The following RPS6KC1 variants were observed in gnomAD, a reference collection of about 807,000 sequenced individuals.
The protein encoded by RPS6KC1 is inactive ribosomal protein S6 kinase delta-1.
In RPS6KC1, 54 loss-of-function variants were observed where a neutral mutation model predicts 103.8. The ratio of observed to expected loss-of-function variants is 0.52; its 90% confidence interval spans 0.42 to 0.65. The LOEUF is 0.65. RPS6KC1 is among the 30% of genes least tolerant of loss of function. The pLI is 0.00. For synonymous variants in RPS6KC1, 439 were observed against 438.7 expected (o/e 1.00, Z -0.01); for missense variants, 1,151 against 1,253.8 (o/e 0.92, Z 1.24).
chr1:213,427,874 T>G, the RPS6KC1 span, among the ~76,000 whole-genome samples: 1 of 152,236 alleles, frequency 6.6e-6, no homozygotes, highest in Non-Finnish European at 1.5e-5. Context: ...ACAGCTTTCT[T>G]ACTCTTCCCT....
chr1:213,662,054 GGTATGTT>G, the RPS6KC1 span, among the ~76,000 whole-genome samples: 1 of 152,096 alleles, frequency 6.6e-6, no homozygotes, highest in African/African-American at 2.4e-5. Flanking sequence ...GTATAAATAA[GGTATGTT>G]GGAGGGAGAA....
the RPS6KC1 span, among the ~76,000 whole-genome samples, chr1:213,602,100 CTTTCTT>C: frequency 4.4e-4 from 10 of 22,908 alleles, no homozygotes; most frequent in East Asian, 3.2e-3. Context: ...TTCTTTCTTT[CTTTCTT>C]TCTTTCTTTC....
In RPS6KC1 at chr1:213,129,883, G is replaced by T; in HGVS notation, c.829G>T (p.Val277Phe). ...RKGVDLLLEG[V>F]QGESSPTRRE... ...GGGAGTTGATTTACTCCTAGAAGGT[G>T]TTCAAGGTATGGTTTTATGTATATT... Residue 277 changes from valine (V) to phenylalanine (F), a missense_variant, in exon 6 of 15, where the codon GTT (valine) becomes TTT (phenylalanine). This residue lies in a region of RPS6KC1 where 959 missense variants were observed against 1,006.3 expected (regional missense o/e 0.95). Coordinates refer to ENST00000366960, the MANE Select transcript of RPS6KC1 (RefSeq NM_012424.6). 6.3e-7 allele frequency: 1 copy of T among 1,594,016 alleles called. No individual in the cohort carries two copies. Among genetic ancestry groups the T allele is most frequent in the South Asian group, 1.1e-5 (1 of 87,556 alleles).
At chr1:213,532,202 C>G in the RPS6KC1 span, among the ~76,000 whole-genome samples, 2 of 152,290 alleles carry the variant, frequency 1.3e-5, no homozygotes, top group East Asian at 3.9e-4. Flanking sequence ...CCAAGCCATC[C>G]CAGCAGATGG....
At chr1:213,575,131 C>T in the RPS6KC1 span, among the ~76,000 whole-genome samples, 1 of 152,044 alleles carries the variant, frequency 6.6e-6, no homozygotes, top group Non-Finnish European at 1.5e-5. Context: ...ACAGAGCCTT[C>T]CTCTGTAAGA....
At chr1:213,741,582 G>A in the RPS6KC1 span, among the ~76,000 whole-genome samples, 3 of 152,062 alleles carry the variant, frequency 2.0e-5, no homozygotes, top group Admixed American at 6.6e-5. Flanking sequence ...TTCTGCTGTC[G>A]TCTTTTTACG....
chr1:213,367,385 C>T, the RPS6KC1 span, among the ~76,000 whole-genome samples: 4,695 of 152,266 alleles, frequency 0.031, 253 homozygotes, highest in African/African-American at 0.11. Flanking sequence ...CAGTAAAAAT[C>T]CTCCGGCTGC....
the RPS6KC1 span, among the ~76,000 whole-genome samples, chr1:213,525,266 C>T: frequency 1.3e-5 from 2 of 152,098 alleles, no homozygotes; most frequent in African/African-American, 2.4e-5. Flanking sequence ...ACAGTATTTA[C>T]TGAAATATCA....
chr1:213,178,863 A>G (rs1157352101), intron 8 of RPS6KC1, among the ~76,000 whole-genome samples: 1 of 151,852 alleles, frequency 6.6e-6, no homozygotes, highest in East Asian at 2.0e-4. Context: ...TTATAGGCAC[A>G]CACCACCATG....
At chr1:213,093,457 G>A (rs1170163786) in intron 3 of RPS6KC1, among the ~76,000 whole-genome samples, 5 of 152,102 alleles carry the variant, frequency 3.3e-5, no homozygotes, top group East Asian at 1.9e-4. Flanking sequence ...TGATCCTCCC[G>A]CCTCAGCCTC....
At chr1:213,587,876 C>A in the RPS6KC1 span, among the ~76,000 whole-genome samples, 1 of 152,224 alleles carries the variant, frequency 6.6e-6, no homozygotes. Flanking sequence ...CCTTCTCCAA[C>A]CACATGGTGT....
At chr1:213,226,736 C>T (rs546638053) in intron 8 of RPS6KC1, among the ~76,000 whole-genome samples, 2 of 152,272 alleles carry the variant, frequency 1.3e-5, no homozygotes, top group African/African-American at 4.8e-5. Context: ...GTTTCTCAGT[C>T]CTTATTCTTC....
the RPS6KC1 span, among the ~76,000 whole-genome samples, chr1:213,402,392 C>T: frequency 6.6e-6 from 1 of 152,176 alleles, no homozygotes; most frequent in East Asian, 1.9e-4. Flanking sequence ...CACACCCCCT[C>T]CTCAACCTCT....
the RPS6KC1 span, among the ~76,000 whole-genome samples, chr1:213,368,770 C>T: frequency 4.0e-4 from 61 of 152,164 alleles, no homozygotes; most frequent in Non-Finnish European, 1.0e-4. Flanking sequence ...GGCCAGTCTG[C>T]GGACAGATAT....
chr1:213,253,096 G>C (rs1239001694), intron 12 of RPS6KC1, among the ~76,000 whole-genome samples: 1 of 152,132 alleles, frequency 6.6e-6, no homozygotes, highest in Non-Finnish European at 1.5e-5. Context: ...TTCTCTATAA[G>C]TGAAATTCTC....
At chr1:213,764,926 C>T in the RPS6KC1 span, among the ~76,000 whole-genome samples, 3 of 152,200 alleles carry the variant, frequency 2.0e-5, no homozygotes. Context: ...CAGTCCATTT[C>T]CTTCCATGAA....
intron 3 of RPS6KC1, among the ~76,000 whole-genome samples, chr1:213,082,390 C>G (rs1462558883): frequency 2.6e-5 from 4 of 152,080 alleles, no homozygotes; most frequent in Non-Finnish European, 5.9e-5. Flanking sequence ...GAGATCGTGT[C>G]ACTGCACTCT....
the RPS6KC1 span, among the ~76,000 whole-genome samples, chr1:213,577,274 A>G: frequency 0.024 from 3,630 of 152,236 alleles, 76 homozygotes; most frequent in African/African-American, 0.055. Flanking sequence ...CTTCTCCTTC[A>G]CTTTCCACCA....
chr1:213,519,657 C>G, the RPS6KC1 span, among the ~76,000 whole-genome samples: 1 of 152,146 alleles, frequency 6.6e-6, no homozygotes. Flanking sequence ...CAGCCAGATC[C>G]TCTCCCCTGC....
Sources: gnomAD v4.1 joint callset for allele counts (sites outside exome capture counted in the v4.1 genomes callset) on GRCh38, gnomAD v4.1.1 for gene constraint, gnomAD v4.1.1 regional missense constraint, MANE v1.5 for transcripts, NCBI Gene and HGNC (gene_info 2026-07-23, HGNC 2026-07-21) for gene names.